Variants in SLC5A9 observed in about 807,000 individuals in gnomAD.
SLC5A9 encodes the protein solute carrier family 5 member 9.
SLC5A9 carries 59 observed loss-of-function variants against 70.9 expected under a neutral mutation model. That is an observed-to-expected ratio of 0.83 (90% CI 0.68 to 1.03). The LOEUF is 1.03. Ranked by LOEUF, SLC5A9 falls within the 50% of genes least tolerant of loss-of-function variation. SLC5A9 has a pLI of 0.00. For missense variants in SLC5A9, 832 were observed against 881.1 expected, an observed-to-expected ratio of 0.94 and a Z score of 0.71; for synonymous variants, 340 against 346.5, an observed-to-expected ratio of 0.98 and a Z score of 0.21.
At chr1:48,232,826 AAAGAG>A (rs1644269417) in intron 8 of SLC5A9, among the ~76,000 whole-genome samples, 1 of 148,162 alleles carries the variant, frequency 6.7e-6, no homozygotes, top group Non-Finnish European at 1.5e-5. Flanking sequence ...AGAGAAGAGA[AAAGAG>A]GGAGGGAGGA....
chr1:48,233,283 C>T (rs919597408), intron 8 of SLC5A9, among the ~76,000 whole-genome samples: 5 of 139,984 alleles, frequency 3.6e-5, no homozygotes, highest in African/African-American at 1.0e-4. Context: ...ATCACTTGAA[C>T]CCAGGAGGTG....
chr1:48,234,889 A>C (rs909153573), intron 9 of SLC5A9, among the ~76,000 whole-genome samples: 14 of 152,146 alleles, frequency 9.2e-5, no homozygotes, highest in Non-Finnish European at 1.8e-4. Context: ...CAATAACTAA[A>C]GAGGGGAACA....
At chr1:48,229,203 C>G in intron 3 of SLC5A9, 92 bp from the exon 4 acceptor site, 1 of 1,614,132 alleles carries the variant, frequency 6.2e-7, no homozygotes, top group South Asian at 1.1e-5. Context: ...GTTCGGGGGC[C>G]TCCCACAGCA....
intron 10 of SLC5A9, 127 bp downstream of exon 10, chr1:48,236,006 A>T: frequency 4.8e-6 from 5 of 1,035,618 alleles, no homozygotes; most frequent in Non-Finnish European, 7.1e-6. Context: ...TTCAAGCTCC[A>T]GCTCTCCACA....
At chr1:48,232,263 T>C (rs563695874) in intron 7 of SLC5A9, 104 bp from the exon 8 acceptor site, 1 of 1,554,866 alleles carries the variant, frequency 6.4e-7, no homozygotes, top group Non-Finnish European at 8.7e-7. Flanking sequence ...GGATTGTGAC[T>C]GGACTGGAGT....
chr1:48,242,025 T>A (rs1380273305), intron 12 of SLC5A9: 1 of 457,094 alleles, frequency 2.2e-6, no homozygotes, highest in African/African-American at 2.0e-5. Flanking sequence ...ACTTTGAAGA[T>A]CCTGGCACTT....
rs745443210 is a variant in SLC5A9 at position 48,228,857 on chromosome 1, C to T, written c.242C>T (p.Ala81Val). The change falls in exon 3 of 14, where the codon GCA becomes GTA. Residue 81 changes from alanine (A) to valine (V), a missense_variant. Coordinates refer to ENST00000438567, the MANE Select transcript of SLC5A9 (RefSeq NM_001011547.3). Reference sequence around the variant, plus strand: ...CCCAACTGTGCCTTGCAGATTGGAGCATCTCTGATGTCCAGCAATGTGGGC... The same window carrying T: ...CCCAACTGTGCCTTGCAGATTGGAGTATCTCTGATGTCCAGCAATGTGGGC... Reference protein sequence around the residue: ...GRSMSWWPIGASLMSSNVGSG... With the variant: ...GRSMSWWPIGVSLMSSNVGSG... 6.2e-7 allele frequency: 1 copy of T among 1,613,788 alleles called. No homozygotes were observed. The highest frequency in any genetic ancestry group is 8.5e-7 in the Non-Finnish European group (1 of 1,179,906).
In SLC5A9 at chr1:48,231,631, G is replaced by T. The variant is rs376514818; in HGVS notation, c.691+6G>T. On this transcript the variant is annotated splice_donor_region_variant and intron_variant, in intron 6 of 13. Coordinates refer to ENST00000438567, the MANE Select transcript of SLC5A9 (RefSeq NM_001011547.3). ...CCTGGTCCTCATGTTTCTGGGTAAGGAAGAGACCTAAATATACCCCACTGT... is the reference window on the plus strand; with the variant it reads ...CCTGGTCCTCATGTTTCTGGGTAAGTAAGAGACCTAAATATACCCCACTGT... 29 of 1,614,006 alleles carry T rather than the reference G, an allele frequency of 1.8e-5. No homozygotes were observed. Among genetic ancestry groups the T allele is most frequent in the Non-Finnish European group, 2.3e-5 (27 of 1,179,994 alleles).
chr1:48,224,664 G>A (rs1161941764), intron 1 of SLC5A9, 60 bp from the exon 2 acceptor site: 1 of 1,551,634 alleles, frequency 6.4e-7, no homozygotes, highest in African/African-American at 1.4e-5. Context: ...TGCGGGGAGG[G>A]GGCAGGGCAG....
chr1:48,235,266 AC>A (rs1456655917), intron 9 of SLC5A9, among the ~76,000 whole-genome samples: 1 of 152,174 alleles, frequency 6.6e-6, no homozygotes, highest in Non-Finnish European at 1.5e-5. Context: ...TTAGCCCAAC[AC>A]CACCATGTCA....
intron 2 of SLC5A9, among the ~76,000 whole-genome samples, chr1:48,226,876 T>C (rs1391546316): frequency 1.3e-5 from 2 of 152,180 alleles, no homozygotes; most frequent in Non-Finnish European, 2.9e-5. Flanking sequence ...CTTGGTGTTC[T>C]TTGCTCTGAC....
At chr1:48,246,456 A>ATTC (rs1644461058) in intron 13 of SLC5A9, among the ~76,000 whole-genome samples, 1 of 152,188 alleles carries the variant, frequency 6.6e-6, no homozygotes, top group African/African-American at 2.4e-5. Flanking sequence ...TTCCCAGTAC[A>ATTC]TTCTTTTCAA....
intron 13 of SLC5A9, among the ~76,000 whole-genome samples, chr1:48,244,711 A>AATATATAT (rs541187180): frequency 7.3e-6 from 1 of 136,168 alleles, no homozygotes; most frequent in African/African-American, 2.7e-5. Context: ...TTGCTTTGCA[A>AATATATAT]ATATATATAT....
rs1283470005 is a variant in SLC5A9 at position 48,235,785 on chromosome 1, T to A, written c.1198T>A (p.Ser400Thr). The A allele has an allele frequency of 6.2e-7, 1 of 1,614,192 alleles. No homozygotes were observed. Among genetic ancestry groups the A allele is most frequent in the Non-Finnish European group, 8.5e-7 (1 of 1,180,036 alleles). The change falls in exon 10 of 14, where the codon TCC (serine) becomes ACC (threonine). Residue 400 changes from serine (S) to threonine (T), a missense_variant. Coordinates refer to ENST00000438567, the MANE Select transcript of SLC5A9 (RefSeq NM_001011547.3). ...IMAALMSSLTSIFNSSSTLFT... is the reference protein window; with the variant it reads ...IMAALMSSLTTIFNSSSTLFT... ...GGCCGCTCTCATGAGCTCACTCACC[T>A]CCATCTTCAACAGCAGCAGCACCCT...
chr1:48,235,576 T>C lies in SLC5A9; in HGVS notation c.1142-153T>C, dbSNP rs150748108. 2.0e-5 allele frequency among the ~76,000 whole-genome samples: 3 copies of C among 152,242 alleles called. No individual in the cohort carries two copies. In the East Asian group the frequency reaches 5.8e-4, roughly 29 times the overall value. ...TCTAGTTCTGTGGTCTAGGATTTCT[T>C]ATCTGTGCTGGATGGGAGCCTCATC... On this transcript the variant is annotated intron_variant, in intron 9 of 13. Transcript: ENST00000438567.
chr1:48,232,311 G>A, intron 7 of SLC5A9, 56 bp from the exon 8 acceptor site: 3 of 1,599,712 alleles, frequency 1.9e-6, no homozygotes, highest in Non-Finnish European at 2.6e-6. Flanking sequence ...GCTCACCTGT[G>A]GCTTAATGAG....
chr1:48,247,706 G>A lies in SLC5A9; in HGVS notation c.*163G>A. ...CCAACTCAACCTGCACACTTGACAA[G>A]TGGAGAAACAGAAGCCCAGAGAGAG... On this transcript the variant is annotated 3_prime_UTR_variant, in exon 14 of 14. Coordinates refer to ENST00000438567, the MANE Select transcript of SLC5A9 (RefSeq NM_001011547.3). The A allele has an allele frequency of 1.5e-6, 1 of 686,774 alleles. No homozygotes were observed. The highest frequency in any genetic ancestry group is 2.5e-6 in the Non-Finnish European group (1 of 404,804). 42.5% of individuals were successfully genotyped at this position (686,774 alleles called of 1,614,324 possible).
At chr1:48,224,621 C>A in intron 1 of SLC5A9, 103 bp from the exon 2 acceptor site, 1 of 1,139,922 alleles carries the variant, frequency 8.8e-7, no homozygotes, top group Non-Finnish European at 1.3e-6. Context: ...CCCTCTGTGT[C>A]CCCACAGTGC....
chr1:48,224,663 G>C (rs374855928), intron 1 of SLC5A9, 61 bp from the exon 2 acceptor site: 30 of 1,548,378 alleles, frequency 1.9e-5, no homozygotes, highest in South Asian at 1.4e-4. Flanking sequence ...CTGCGGGGAG[G>C]GGGCAGGGCA....
Sources: allele counts gnomAD v4.1 joint callset (sites outside exome capture counted in the v4.1 genomes callset), GRCh38; gene constraint gnomAD v4.1.1; transcripts MANE v1.5; gene names NCBI Gene and HGNC (gene_info 2026-07-23, HGNC 2026-07-21).